Variants in ADAMTS9 observed in about 807,000 individuals in gnomAD.
ADAMTS9 encodes the protein A disintegrin and metalloproteinase with thrombospondin motifs 9.
In ADAMTS9, 107 loss-of-function variants were observed where a neutral mutation model predicts 257.1. That is an observed-to-expected ratio of 0.42 (90% CI 0.36 to 0.49). The LOEUF (loss-of-function observed/expected upper bound fraction) is 0.49. Ranked by LOEUF, ADAMTS9 falls within the 20% of genes least tolerant of loss-of-function variation. The pLI is 0.03. For missense variants in ADAMTS9, 2,353 were observed against 2,469.1 expected, an observed-to-expected ratio of 0.95 and a Z score of 1.00; for synonymous variants, 982 against 880.9, an observed-to-expected ratio of 1.11 and a Z score of -2.03.
At position 64,606,906 on chromosome 3, in the gene ADAMTS9, G is replaced by T. The variant is rs1477249357; in HGVS notation, c.3474+54C>A. 7.5e-6 allele frequency: 12 copies of T among 1,607,064 alleles called. No homozygotes were observed. The Admixed American group carries it at 1.7e-4, about 22-fold the overall frequency. ...TCAATTTTGTCTAAACAGCTGGGCA[G>T]TTTGGTACCTTGGTCCCCAAAGTCA... On this transcript the variant is annotated intron_variant, in intron 23 of 39. Transcript: ENST00000498707.
At chr3:64,520,192 C>T (rs911446836) in intron 39 of ADAMTS9, among the ~76,000 whole-genome samples, 2 of 152,098 alleles carry the variant, frequency 1.3e-5, no homozygotes, top group African/African-American at 4.8e-5. Context: ...ATCCAATTTA[C>T]AGTCACCACA....
intron 30 of ADAMTS9, among the ~76,000 whole-genome samples, chr3:64,556,176 T>G (rs1458200147): frequency 6.6e-6 from 1 of 151,992 alleles, no homozygotes; most frequent in African/African-American, 2.4e-5. Flanking sequence ...GTGGCCCAAG[T>G]CCCCATACCG....
At chr3:64,641,241 GCTAT>G (rs1259837837) in intron 12 of ADAMTS9, among the ~76,000 whole-genome samples, 21 of 112,610 alleles carry the variant, frequency 1.9e-4, no homozygotes, top group South Asian at 2.9e-4. Flanking sequence ...CCATTAGTGT[GCTAT>G]CTTTTTTTTT....
At chr3:64,614,709 G>A (rs2084728842) in intron 21 of ADAMTS9, 1 of 152,024 alleles carries the variant, frequency 6.6e-6, no homozygotes. Flanking sequence ...GCAAGAAAGA[G>A]GCTGCATCTT....
intron 16 of ADAMTS9, among the ~76,000 whole-genome samples, chr3:64,627,202 TTC>T (rs1474640171): frequency 6.6e-6 from 1 of 152,140 alleles, no homozygotes; most frequent in Non-Finnish European, 1.5e-5. Context: ...GGGGGGTCTT[TTC>T]CAATGTCTCC....
intron 29 of ADAMTS9, chr3:64,565,825 C>G (rs1576028992): frequency 6.6e-6 from 1 of 152,222 alleles, no homozygotes; most frequent in African/African-American, 2.4e-5. Context: ...GAGAAAAACC[C>G]TTTAAGGCTT....
At position 64,654,597 on chromosome 3, in the gene ADAMTS9, T is replaced by G. The variant is rs1173279595; in HGVS notation, c.1185A>C (p.Arg395Ser). The G allele has an allele frequency of 6.2e-7, 1 of 1,614,034 alleles. No homozygotes were observed. The highest frequency in any genetic ancestry group is 2.2e-5 in the East Asian group (1 of 44,886). Residue 395 changes from arginine (R) to serine (S), a missense_variant, in exon 7 of 40, where the codon AGA becomes AGC. By Grantham distance (110) the Arg-to-Ser change is moderately radical (BLOSUM62 -1). Coordinates refer to ENST00000498707, the MANE Select transcript of ADAMTS9 (RefSeq NM_182920.2). ...AVLLTRQDICRAHDKCDTLGL... is the reference protein window; with the variant it reads ...AVLLTRQDICSAHDKCDTLGL... Reference sequence around the variant, plus strand: ...CTAAGGTATCACATTTGTCGTGAGCTCTGCAGATATCCTGTCTGAAAGCAA... The same window carrying G: ...CTAAGGTATCACATTTGTCGTGAGCGCTGCAGATATCCTGTCTGAAAGCAA...
chr3:64,634,536 C>T (rs1319703382), intron 12 of ADAMTS9, among the ~76,000 whole-genome samples: 2 of 152,242 alleles, frequency 1.3e-5, no homozygotes, highest in Admixed American at 6.5e-5. Context: ...GAGTGTATGG[C>T]ATACGCCTTG....
chr3:64,627,514 G>T (rs1700253705), intron 16 of ADAMTS9, among the ~76,000 whole-genome samples: 1 of 152,156 alleles, frequency 6.6e-6, no homozygotes, highest in South Asian at 2.1e-4. Flanking sequence ...CTTCTAAAGA[G>T]ATACGAACAT....
chr3:64,605,067 C>A (rs9874462), intron 23 of ADAMTS9, among the ~76,000 whole-genome samples: 85,100 of 152,108 alleles, frequency 0.56, 26,455 homozygotes, highest in African/African-American at 0.85. Context: ...CTTGGTGTCA[C>A]ATATGACTGA....
intron 37 of ADAMTS9, among the ~76,000 whole-genome samples, chr3:64,536,088 A>G (rs2083046261): frequency 6.6e-6 from 1 of 152,302 alleles, no homozygotes; most frequent in Non-Finnish European, 1.5e-5. Flanking sequence ...CAATGCCCCC[A>G]GCCGACCTGG....
chr3:64,647,518 C>T (rs1559809140), intron 11 of ADAMTS9, among the ~76,000 whole-genome samples: 1 of 152,158 alleles, frequency 6.6e-6, no homozygotes, highest in Non-Finnish European at 1.5e-5. Flanking sequence ...CATAGTAGTA[C>T]CTGCAATAGA....
chr3:64,555,710 CAGG>C (rs947065383), intron 30 of ADAMTS9, among the ~76,000 whole-genome samples: 2 of 152,136 alleles, frequency 1.3e-5, no homozygotes, highest in Non-Finnish European at 2.9e-5. Context: ...AGCAGATGAG[CAGG>C]AGAATGATGG....
chr3:64,642,791 T>A (rs1350296292), intron 11 of ADAMTS9, among the ~76,000 whole-genome samples: 1 of 152,010 alleles, frequency 6.6e-6, no homozygotes, highest in Non-Finnish European at 1.5e-5. Flanking sequence ...CGCGGCTCGC[T>A]CAGATCTCTG....
intron 18 of ADAMTS9, 41 bp from the exon 19 acceptor site, chr3:64,621,281 C>T (rs764394702): frequency 8.9e-6 from 14 of 1,579,830 alleles, no homozygotes; most frequent in Non-Finnish European, 1.2e-5. Context: ...GGAAAATAAT[C>T]TATTCCATAA....
intron 37 of ADAMTS9, 78 bp from the exon 38 acceptor site, chr3:64,533,348 A>T (rs2083007005): frequency 9.2e-7 from 1 of 1,090,326 alleles, no homozygotes; most frequent in African/African-American, 1.6e-5. Flanking sequence ...GTGATACAAT[A>T]AAAGGTACTT....
intron 28 of ADAMTS9, among the ~76,000 whole-genome samples, chr3:64,570,658 T>C (rs141243633): frequency 0.023 from 2,906 of 125,440 alleles, 117 homozygotes; most frequent in African/African-American, 0.088. Context: ...ACAGCGCCAC[T>C]GTACTCCAGC....
At chr3:64,671,877 C>T (rs1000920857) in intron 3 of ADAMTS9, among the ~76,000 whole-genome samples, 3 of 152,180 alleles carry the variant, frequency 2.0e-5, no homozygotes, top group African/African-American at 7.2e-5. Flanking sequence ...ATAATAAAGA[C>T]TCTTTTATGA....
chr3:64,649,067 AT>A (rs1337046656), intron 10 of ADAMTS9, among the ~76,000 whole-genome samples: 1 of 152,172 alleles, frequency 6.6e-6, no homozygotes, highest in Non-Finnish European at 1.5e-5. Flanking sequence ...CTGTAACCGG[AT>A]AACTGCTAGA....
Sources: allele counts gnomAD v4.1 joint callset (sites outside exome capture counted in the v4.1 genomes callset), GRCh38; gene constraint gnomAD v4.1.1; transcripts MANE v1.5; gene names NCBI Gene and HGNC (gene_info 2026-07-23, HGNC 2026-07-21).